Variants in LGR6 observed in about 807,000 individuals in gnomAD.
LGR6 encodes leucine rich repeat containing G protein-coupled receptor 6, also known as leucine-rich repeat-containing G protein-coupled receptor 6.
A neutral mutation model predicts 69.4 loss-of-function variants in LGR6; 45 were observed. The observed-to-expected ratio is 0.65, with a 90% CI of 0.51 to 0.83. The LOEUF is 0.83. Ranked by LOEUF, LGR6 falls within the 40% of genes least tolerant of loss-of-function variation. LGR6 has a pLI of 0.00. For synonymous variants in LGR6, 538 were observed against 555.0 expected, an observed-to-expected ratio of 0.97 and a Z score of 0.43; for missense variants, 1,108 against 1,246.7, an observed-to-expected ratio of 0.89 and a Z score of 1.68.
At position 202,308,129 on chromosome 1, in the gene LGR6, G is replaced by A. The variant is rs865813824; in HGVS notation, c.1280+728G>A. Among the ~76,000 whole-genome samples, 24 of 152,232 alleles carry A rather than the reference G, an allele frequency of 1.6e-4. No homozygotes were observed. In the South Asian group the frequency reaches 4.1e-3, roughly 26 times the overall value. ...CCTCAGAGACCATCCAGCCCCACCCGCTTCACTTCACAGGTGAGGCCTCCA... is the reference window on the plus strand; with the variant it reads ...CCTCAGAGACCATCCAGCCCCACCCACTTCACTTCACAGGTGAGGCCTCCA... On this transcript the variant is annotated intron_variant, in intron 14 of 17. Coordinates refer to ENST00000367278, the MANE Select transcript of LGR6 (RefSeq NM_001017403.2).
intron 1 of LGR6, among the ~76,000 whole-genome samples, chr1:202,202,478 G>C (rs1658871484): frequency 1.3e-5 from 2 of 152,190 alleles, no homozygotes; most frequent in South Asian, 4.1e-4. Flanking sequence ...AAGAAAGAGT[G>C]CATGTTTGCA....
intron 4 of LGR6, among the ~76,000 whole-genome samples, chr1:202,245,041 C>T (rs1662533006): frequency 6.6e-6 from 1 of 152,154 alleles, no homozygotes; most frequent in Admixed American, 6.5e-5. Flanking sequence ...AGCCTCCCCG[C>T]CAAAATCTGC....
Position 202,280,812 on chromosome 1 carries a change from G to A in LGR6, c.676G>A (p.Gly226Arg). 2 of 1,614,150 alleles carry A rather than the reference G, an allele frequency of 1.2e-6. No individual in the cohort carries two copies. The highest frequency in any genetic ancestry group is 1.7e-6 in the Non-Finnish European group (2 of 1,180,016). The change falls in exon 6 of 18, where the codon GGG becomes AGG. Residue 226 changes from glycine to arginine, a missense_variant. Coordinates refer to ENST00000367278, the MANE Select transcript of LGR6 (RefSeq NM_001017403.2). ...HLHNNRIQHL[G>R]THSFEGLHNL... Reference sequence around the variant, plus strand: ...GCATAACAACCGCATCCAGCATCTGGGGACCCACAGCTTCGAGGGGCTGCA... The same window carrying A: ...GCATAACAACCGCATCCAGCATCTGAGGACCCACAGCTTCGAGGGGCTGCA...
At chr1:202,198,056 C>T (rs910028335) in intron 1 of LGR6, among the ~76,000 whole-genome samples, 18 of 152,208 alleles carry the variant, frequency 1.2e-4, no homozygotes, top group African/African-American at 4.1e-4. Flanking sequence ...TGCTTTCTTA[C>T]GAATTCACTC....
chr1:202,233,262 T>C (rs554934384), intron 3 of LGR6, among the ~76,000 whole-genome samples: 1 of 152,248 alleles, frequency 6.6e-6, no homozygotes, highest in South Asian at 2.1e-4. Context: ...GATGGAGGAA[T>C]CTTAGGAGGT....
intron 4 of LGR6, among the ~76,000 whole-genome samples, chr1:202,275,787 C>T (rs1255140742): frequency 6.6e-6 from 1 of 152,132 alleles, no homozygotes; most frequent in East Asian, 1.9e-4. Flanking sequence ...AGAACATCTC[C>T]ATTATATGGT....
Position 202,297,498 on chromosome 1 carries a change from T to G in LGR6, c.717-10T>G. ...CTTTGCCCTAATGACTGCTCTGCTT[T>G]CTGTTCCAGAGACCTGAATTATAAC... On this transcript the variant is annotated splice_polypyrimidine_tract_variant and intron_variant, in intron 6 of 17. Coordinates refer to ENST00000367278, the MANE Select transcript of LGR6 (RefSeq NM_001017403.2). The G allele has an allele frequency of 6.2e-7, 1 of 1,612,216 alleles. No homozygotes were observed. Among genetic ancestry groups the G allele is most frequent in the Non-Finnish European group, 8.5e-7 (1 of 1,179,136 alleles).
In LGR6 at chr1:202,307,351, C is replaced by T. The variant is rs758706351; in HGVS notation, c.1230C>T (p.Ile410=). ...LQALDLSWNA[I]RSIHPEAFST... is the part of the protein sequence containing the mutation. ...GCAGGGATCTTAGCTGGAACGCCAT[C>T]CGGTCCATCCACCCCGAGGCCTTCT... The change falls in exon 14 of 18, where the codon ATC becomes ATT. Residue 410 remains isoleucine (I), a synonymous_variant. Transcript: ENST00000367278. 6.2e-7 allele frequency: 1 copy of T among 1,614,124 alleles called. No individual in the cohort carries two copies. The highest frequency in any genetic ancestry group is 1.1e-5 in the South Asian group (1 of 91,076).
chr1:202,318,129 C>A lies in LGR6; in HGVS notation c.1826C>A (p.Thr609Asn), dbSNP rs749076470. ...FVVGAIAGAN[T>N]LTGISCGLLA... ...GTAGGTGCGATTGCAGGCGCCAACA[C>A]CTTGACTGGCATTTCCTGTGGCCTT... is the stretch of plus-strand genomic sequence containing the variant. The change falls in exon 18 of 18, where the codon ACC becomes AAC. Residue 609 changes from threonine (T) to asparagine (N), a missense_variant. By Grantham distance (65) the Thr-to-Asn change is moderately conservative (BLOSUM62 0). Coordinates refer to ENST00000367278, the MANE Select transcript of LGR6 (RefSeq NM_001017403.2). 1 of 1,614,178 alleles carries A rather than the reference C, an allele frequency of 6.2e-7. No individual in the cohort carries two copies. Among genetic ancestry groups the A allele is most frequent in the Non-Finnish European group, 8.5e-7 (1 of 1,180,028 alleles).
intron 1 of LGR6, among the ~76,000 whole-genome samples, chr1:202,212,193 T>G (rs1183308472): frequency 6.6e-6 from 1 of 152,158 alleles, no homozygotes; most frequent in Non-Finnish European, 1.5e-5. Context: ...GCAATGGAAT[T>G]GCTGGATCAG....
At chr1:202,239,543 A>G (rs544055127) in intron 4 of LGR6, among the ~76,000 whole-genome samples, 76 of 152,240 alleles carry the variant, frequency 5.0e-4, no homozygotes, top group African/African-American at 1.8e-3. Flanking sequence ...AAGCAAGGTG[A>G]TAGGGTTTGT....
At position 202,275,276 on chromosome 1, in the gene LGR6, A is replaced by G. The variant is rs545482329; in HGVS notation, c.429-1030A>G. Among the ~76,000 whole-genome samples the G allele has an allele frequency of 2.9e-3, 436 of 152,284 alleles. 3 individuals carry two copies. The highest frequency in any genetic ancestry group is 9.6e-3 in the African/African-American group (398 of 41,568). ...GATAGGAAAGTCCAGCAATAGATCC[A>G]TGGTACAGGTCAGTTTGTCTGGTCC... On this transcript the variant is annotated intron_variant, in intron 4 of 17. Coordinates refer to ENST00000367278, the MANE Select transcript of LGR6 (RefSeq NM_001017403.2).
chr1:202,283,947 G>C (rs1352608210), intron 6 of LGR6, among the ~76,000 whole-genome samples: 1 of 152,246 alleles, frequency 6.6e-6, no homozygotes, highest in Non-Finnish European at 1.5e-5. Flanking sequence ...ACCTCTGTGA[G>C]CCTCACTTCC....
chr1:202,255,519 G>A (rs560077806), intron 4 of LGR6, among the ~76,000 whole-genome samples: 353 of 152,266 alleles, frequency 2.3e-3, no homozygotes, highest in African/African-American at 7.9e-3. Flanking sequence ...TGCAGAGTCC[G>A]TGGAGCACTC....
chr1:202,217,990 G>T (rs568369953), intron 1 of LGR6, among the ~76,000 whole-genome samples: 12 of 152,296 alleles, frequency 7.9e-5, no homozygotes, highest in African/African-American at 2.9e-4. Flanking sequence ...AGACAACTTT[G>T]TGTCATCTTG....
chr1:202,308,202 G>A (rs1190514233), intron 14 of LGR6, among the ~76,000 whole-genome samples: 1 of 152,218 alleles, frequency 6.6e-6, no homozygotes, highest in Non-Finnish European at 1.5e-5. Context: ...AGGACTCCCA[G>A]CAGGCACACA....
At chr1:202,258,032 T>C (rs948861354) in intron 4 of LGR6, among the ~76,000 whole-genome samples, 2 of 152,150 alleles carry the variant, frequency 1.3e-5, no homozygotes, top group African/African-American at 4.8e-5. Context: ...GCACTGTTTT[T>C]GTTAAATTTA....
intron 1 of LGR6, among the ~76,000 whole-genome samples, chr1:202,220,677 T>C (rs978285052): frequency 6.6e-6 from 1 of 152,184 alleles, no homozygotes; most frequent in East Asian, 1.9e-4. Context: ...ACATGCATGG[T>C]AAGTGCTCAG....
At chr1:202,206,117 T>C (rs112458507) in intron 1 of LGR6, among the ~76,000 whole-genome samples, 3,952 of 152,268 alleles carry the variant, frequency 0.026, 164 homozygotes, top group African/African-American at 0.09. Context: ...TTGGGAGTGT[T>C]TGAGGATGGA....
Sources: allele counts gnomAD v4.1 joint callset (sites outside exome capture counted in the v4.1 genomes callset), GRCh38; gene constraint gnomAD v4.1.1; transcripts MANE v1.5; gene names NCBI Gene and HGNC (gene_info 2026-07-23, HGNC 2026-07-21).